Variants in ITSN2 observed in about 807,000 individuals in gnomAD.
The protein encoded by ITSN2 is intersectin-2.
ITSN2 carries 156 observed loss-of-function variants against 243.7 expected under a neutral mutation model. The observed-to-expected ratio is 0.64, with a 90% CI of 0.56 to 0.73. ITSN2 has a LOEUF of 0.73. Among genes scored for constraint, ITSN2 ranks in the 30% least tolerant of loss-of-function variants. ITSN2 has a pLI of 0.00. For synonymous variants in ITSN2, 703 were observed against 699.9 expected, an observed-to-expected ratio of 1.00 and a Z score of -0.07; for missense variants, 1,801 against 1,996.1, an observed-to-expected ratio of 0.90 and a Z score of 1.86.
chr2:24,216,929 C>CA (rs1258275680), intron 31 of ITSN2, among the ~76,000 whole-genome samples: 1 of 151,870 alleles, frequency 6.6e-6, no homozygotes, highest in Non-Finnish European at 1.5e-5. Context: ...ACTAAAAATA[C>CA]AAAAAATTAG....
At chr2:24,209,014 C>T in intron 36 of ITSN2, 86 bp downstream of exon 36, 2 of 1,481,488 alleles carry the variant, frequency 1.3e-6, no homozygotes, top group Non-Finnish European at 1.9e-6. Context: ...GGGGCTTAAG[C>T]ACGGCTGGAG....
At chr2:24,355,437 C>A (rs913082643) in intron 1 of ITSN2, among the ~76,000 whole-genome samples, 4 of 152,196 alleles carry the variant, frequency 2.6e-5, no homozygotes, top group Admixed American at 6.5e-5. Context: ...CACACATCTA[C>A]AACCATCTGA....
At chr2:24,253,920 A>C (rs923586194) in intron 24 of ITSN2, among the ~76,000 whole-genome samples, 14 of 152,200 alleles carry the variant, frequency 9.2e-5, no homozygotes, top group Non-Finnish European at 1.3e-4. Flanking sequence ...TAATTTACTA[A>C]TCAAACAACC....
intron 1 of ITSN2, among the ~76,000 whole-genome samples, chr2:24,349,216 T>C (rs1687823286): frequency 1.3e-5 from 2 of 151,466 alleles, no homozygotes; most frequent in South Asian, 2.1e-4. Flanking sequence ...CAGGAAAAAA[T>C]AAAATAGAGA....
chr2:24,335,387 C>T (rs1277443164), intron 1 of ITSN2, among the ~76,000 whole-genome samples: 1 of 152,146 alleles, frequency 6.6e-6, no homozygotes, highest in Non-Finnish European at 1.5e-5. Flanking sequence ...GGCTGGAATG[C>T]AGAGACATGA....
chr2:24,349,439 G>T (rs889773905), intron 1 of ITSN2, among the ~76,000 whole-genome samples: 7 of 151,972 alleles, frequency 4.6e-5, no homozygotes, highest in Non-Finnish European at 8.8e-5. Context: ...TGTTCTCCCT[G>T]GAAAAACACA....
chr2:24,257,894 C>T lies in ITSN2; in HGVS notation c.2882G>A (p.Arg961Gln), dbSNP rs199820366. The stretch of plus-strand genomic sequence containing the variant: ...AACACATAAAGATGCTTACTCTTCC[C>T]GTTTTACTTCACTCCCAGGAATGAT... ...VKIIPGSEVK[R>Q]EEPEALYAAV... Residue 961 changes from arginine (R) to glutamine (Q), a missense_variant, in exon 23 of 40, where the codon CGG becomes CAG. Arg to Gln is a conservative substitution (Grantham distance 43). This residue lies in a region of ITSN2 where 928 missense variants were observed against 1,065.4 expected (regional missense o/e 0.87). Transcript: ENST00000355123. 1.3e-4 allele frequency: 217 copies of T among 1,612,102 alleles called. No individual in the cohort carries two copies. The highest frequency in any genetic ancestry group is 8.8e-5 in the South Asian group (8 of 90,990).
intron 5 of ITSN2, chr2:24,311,745 G>C (rs1232654044): frequency 6.0e-6 from 1 of 167,018 alleles, no homozygotes; most frequent in Non-Finnish European, 1.5e-5. Context: ...TGCAACTTTT[G>C]GCCCTAAATT....
intron 2 of ITSN2, among the ~76,000 whole-genome samples, chr2:24,320,736 CA>C (rs61489698): frequency 0.97 from 129,253 of 133,126 alleles, 62,725 homozygotes; most frequent in East Asian, 0.99. Flanking sequence ...CAACAACCAC[CA>C]AAAAAAAAAA....
chr2:24,252,085 C>A (rs951793651), intron 25 of ITSN2, among the ~76,000 whole-genome samples: 1 of 152,190 alleles, frequency 6.6e-6, no homozygotes, highest in Admixed American at 6.5e-5. Flanking sequence ...TGAAGCTCAA[C>A]CCTACCCTAC....
intron 15 of ITSN2, among the ~76,000 whole-genome samples, chr2:24,287,757 T>C (rs2151570717): frequency 6.6e-6 from 1 of 152,256 alleles, no homozygotes; most frequent in South Asian, 2.1e-4. Context: ...TGATATTATA[T>C]TTCAATGTGG....
intron 4 of ITSN2, 31 bp downstream of exon 4, chr2:24,313,429 G>T: frequency 6.3e-7 from 1 of 1,580,296 alleles, no homozygotes; most frequent in South Asian, 1.1e-5. Context: ...AATACTATCA[G>T]AAAATTAGGT....
At chr2:24,315,569 A>C (rs1243696844) in intron 2 of ITSN2, among the ~76,000 whole-genome samples, 2 of 152,256 alleles carry the variant, frequency 1.3e-5, no homozygotes, top group Admixed American at 1.3e-4. Flanking sequence ...AATCCTAAGC[A>C]GAACTATATA....
At chr2:24,289,906 T>C (rs909576797) in intron 15 of ITSN2, among the ~76,000 whole-genome samples, 1 of 152,220 alleles carries the variant, frequency 6.6e-6, no homozygotes, top group Non-Finnish European at 1.5e-5. Context: ...CGATCTTAGA[T>C]GAAAAGTCTT....
At chr2:24,348,683 G>A (rs1250059722) in intron 1 of ITSN2, among the ~76,000 whole-genome samples, 2 of 152,176 alleles carry the variant, frequency 1.3e-5, no homozygotes, top group Non-Finnish European at 2.9e-5. Context: ...CATCTAAGCT[G>A]ATGCCATACC....
At chr2:24,246,068 T>C (rs1445379386) in intron 29 of ITSN2, 61 bp downstream of exon 29, 1 of 1,038,750 alleles carries the variant, frequency 9.6e-7, no homozygotes, top group Non-Finnish European at 1.4e-6. Context: ...AAGGAATAAA[T>C]GCAGTGCTGT....
chr2:24,295,456 G>A (rs751047197), intron 14 of ITSN2, among the ~76,000 whole-genome samples: 9 of 152,084 alleles, frequency 5.9e-5, no homozygotes, highest in South Asian at 2.1e-4. Context: ...ACAGGCATGC[G>A]CCACCATACC....
rs542535460 is a variant in ITSN2 at position 24,224,784 on chromosome 2, C to A, written c.3578-3718G>T. Among the ~76,000 whole-genome samples the A allele has an allele frequency of 2.6e-5, 4 of 152,306 alleles. No homozygotes were observed. The South Asian group carries it at 8.3e-4, about 32-fold the overall frequency. On this transcript the variant is annotated intron_variant, in intron 29 of 39. Transcript: ENST00000355123. ...AGTAGCTGGAACTACAGGTGCCCAC[C>A]ACACCCAGCTAATTTTTGTATCTTT...
Position 24,249,019 on chromosome 2 carries a change from C to T in ITSN2, c.3121-137G>A, listed in dbSNP as rs1236652845. On this transcript the variant is annotated intron_variant, in intron 25 of 39. Transcript: ENST00000355123. This position sits in a 1 kb window ranked among gnomAD's most constrained non-coding sequence, Gnocchi z 4.4. ...AATGAAGATGAAAATGACAATGAAC[C>T]TCATGCAGTATTAACAAATAAGTGA... 8.2e-6 allele frequency: 7 copies of T among 853,148 alleles called. No individual in the cohort carries two copies. The African/African-American group carries it at 8.6e-5, about 10-fold the overall frequency. 52.8% of individuals were successfully genotyped at this position (853,148 alleles called of 1,614,324 possible).
Sources: allele counts gnomAD v4.1 joint callset (sites outside exome capture counted in the v4.1 genomes callset), GRCh38; gene constraint gnomAD v4.1.1; regional missense constraint gnomAD v4.1.1; non-coding constraint Gnocchi (gnomAD v3.1); transcripts MANE v1.5; gene names NCBI Gene and HGNC (gene_info 2026-07-23, HGNC 2026-07-21).